Variants in CHD2 observed in about 807,000 individuals in gnomAD.
CHD2 encodes the protein ATP-dependent chromatin remodeler CHD2.
A neutral mutation model predicts 243.9 loss-of-function variants in CHD2; 28 were observed. That is an observed-to-expected ratio of 0.11 (90% CI 0.09 to 0.16). The LOEUF (loss-of-function observed/expected upper bound fraction) is 0.16. CHD2 is among the 10% of genes least tolerant of loss of function. The pLI, the probability that CHD2 is intolerant of heterozygous loss-of-function variation, is 1.00. For synonymous variants in CHD2, 775 were observed against 779.0 expected, an observed-to-expected ratio of 0.99 and a Z score of 0.09; for missense variants, 1,386 against 2,209.8, an observed-to-expected ratio of 0.63 and a Z score of 7.47.
chr15:92,900,523 C>G lies in CHD2; in HGVS notation c.-373C>G, dbSNP rs2052514481. 1 of 398,558 alleles carries G rather than the reference C, an allele frequency of 2.5e-6. No individual in the cohort carries two copies. The highest frequency in any genetic ancestry group is 2.1e-5 in the African/African-American group (1 of 48,570). The allele number at this position is 398,558 out of a possible 1,614,324, so 24.7% of individuals were successfully genotyped here. On this transcript the variant is annotated 5_prime_UTR_variant, in exon 1 of 39. Coordinates refer to ENST00000394196, the MANE Select transcript of CHD2 (RefSeq NM_001271.4). ...GAGAAAAGCAGCTTTTAGGAGCTTT[C>G]TTTTCGTGCCTTGTTGGAAAGAAGC...
At position 93,018,594 on chromosome 15, in the gene CHD2, A is replaced by G. The variant is rs117894918; in HGVS notation, c.4907-1418A>G. Among the ~76,000 whole-genome samples the G allele has an allele frequency of 2.9e-4, 44 of 152,204 alleles. No individual in the cohort carries two copies. In the East Asian group the frequency reaches 7.7e-3, roughly 27 times the overall value. ...AGGTGGCTTCAAACATCAAACATTT[A>G]TTTTCTCACATTTCTGGAGACCAGG... On this transcript the variant is annotated intron_variant, in intron 37 of 38. Transcript: ENST00000394196.
intron 17 of CHD2, among the ~76,000 whole-genome samples, chr15:92,968,684 T>C (rs1469706782): frequency 6.6e-6 from 1 of 152,252 alleles, no homozygotes. Context: ...AATAAGATTC[T>C]TTTTTACTTT....
intron 13 of CHD2, among the ~76,000 whole-genome samples, chr15:92,949,546 T>G (rs1478644139): frequency 1.3e-5 from 2 of 152,202 alleles, no homozygotes; most frequent in Non-Finnish European, 2.9e-5. Flanking sequence ...CTATATAGTC[T>G]GTAGGATTAT....
At chr15:92,977,052 C>T (rs1423225334) in intron 20 of CHD2, among the ~76,000 whole-genome samples, 1 of 151,752 alleles carries the variant, frequency 6.6e-6, no homozygotes, top group Non-Finnish European at 1.5e-5. Flanking sequence ...TATTATAATC[C>T]ACGTTATCCT....
intron 26 of CHD2, among the ~76,000 whole-genome samples, chr15:92,989,314 G>A (rs939230782): frequency 1.3e-5 from 2 of 152,126 alleles, no homozygotes; most frequent in African/African-American, 2.4e-5. Context: ...TTACAGGCGT[G>A]AGCCACCATG....
chr15:92,987,762 CTA>C (rs2054063084), intron 26 of CHD2, among the ~76,000 whole-genome samples: 1 of 150,662 alleles, frequency 6.6e-6, no homozygotes, highest in African/African-American at 2.4e-5. Flanking sequence ...TATTTGTCTT[CTA>C]TATGTCATGT....
intron 5 of CHD2, among the ~76,000 whole-genome samples, chr15:92,936,568 T>C (rs8035739): frequency 0.48 from 72,358 of 152,042 alleles, 18,200 homozygotes; most frequent in East Asian, 0.85. Flanking sequence ...CTTCTAAGAA[T>C]TCAAGGAGCA....
chr15:92,927,699 TAAAC>T (rs2053089026), intron 4 of CHD2, among the ~76,000 whole-genome samples: 1 of 152,216 alleles, frequency 6.6e-6, no homozygotes, highest in Non-Finnish European at 1.5e-5. Flanking sequence ...ACTTGTTTGG[TAAAC>T]AAACAGAGCA....
At position 92,939,634 on chromosome 15, in the gene CHD2, A is replaced by C; in HGVS notation, c.608A>C (p.Lys203Thr). ...KQPKTQRGKR[K>T]KQDSSDEDDD... ...CCGAAGACTCAGCGTGGAAAGAGAA[A>C]AAAGCAAGATTCTTCTGATGAGGAT... The change falls in exon 7 of 39, where the codon AAA becomes ACA. Residue 203 changes from lysine (K) to threonine (T), a missense_variant. Transcript: ENST00000394196. The C allele has an allele frequency of 6.2e-7, 1 of 1,614,182 alleles. No individual in the cohort carries two copies. Among genetic ancestry groups the C allele is most frequent in the South Asian group, 1.1e-5 (1 of 91,086 alleles).
At chr15:92,904,438 G>T in intron 2 of CHD2, 1 of 988,268 alleles carries the variant, frequency 1.0e-6, no homozygotes, top group Non-Finnish European at 1.2e-6. Context: ...GTCTGGCCGC[G>T]TGCGCATGTC....
chr15:92,919,637 C>T (rs2052915890), intron 2 of CHD2, among the ~76,000 whole-genome samples: 1 of 152,142 alleles, frequency 6.6e-6, no homozygotes, highest in Non-Finnish European at 1.5e-5. Flanking sequence ...ATGATCTTCC[C>T]ATCTCAGCCT....
intron 21 of CHD2, 63 bp from the exon 22 acceptor site, chr15:92,979,072 C>G: frequency 1.3e-6 from 2 of 1,578,174 alleles, no homozygotes; most frequent in Non-Finnish European, 1.7e-6. Flanking sequence ...TAATCCTTCT[C>G]TCTTTTTTTG....
At chr15:92,975,280 TCTGTA>T (rs1163276573) in intron 20 of CHD2, among the ~76,000 whole-genome samples, 1 of 152,194 alleles carries the variant, frequency 6.6e-6, no homozygotes, top group East Asian at 1.9e-4. Flanking sequence ...GGTTCTGATC[TCTGTA>T]CTCTTTTGGT....
chr15:92,991,428 AAAGT>A, intron 26 of CHD2, 44 bp from the exon 27 acceptor site: 2 of 1,405,282 alleles, frequency 1.4e-6, no homozygotes, highest in South Asian at 1.2e-5. Flanking sequence ...CAACATAACT[AAAGT>A]AAGTCTCTGT....
chr15:92,960,676 T>C (rs2053673252), intron 16 of CHD2, among the ~76,000 whole-genome samples: 1 of 151,658 alleles, frequency 6.6e-6, no homozygotes, highest in Non-Finnish European at 1.5e-5. Context: ...TGGCTAATAT[T>C]TTGTTAAAGA....
intron 14 of CHD2, 182 bp downstream of exon 14, chr15:92,953,755 T>C (rs1357839028): frequency 8.3e-6 from 5 of 602,716 alleles, no homozygotes; most frequent in Admixed American, 3.0e-5. Context: ...TTAACAAATA[T>C]GCTTACTAGT....
At chr15:93,007,439 A>G (rs1458986609) in intron 34 of CHD2, among the ~76,000 whole-genome samples, 7 of 152,110 alleles carry the variant, frequency 4.6e-5, no homozygotes, top group African/African-American at 1.7e-4. Context: ...TTTTATAGTC[A>G]TTACAGGTGT....
At chr15:92,974,061 A>G (rs2053877024) in intron 19 of CHD2, 1 of 152,230 alleles carries the variant, frequency 6.6e-6, no homozygotes, top group Non-Finnish European at 1.5e-5. Context: ...GCCTTCTGTA[A>G]AATGAAGTAT....
chr15:92,919,518 G>A (rs998865473), intron 2 of CHD2, among the ~76,000 whole-genome samples: 2 of 151,732 alleles, frequency 1.3e-5, no homozygotes, highest in East Asian at 3.9e-4. Flanking sequence ...TCAGCCTCCC[G>A]AGTAGCTGGG....
Sources: allele counts gnomAD v4.1 joint callset (sites outside exome capture counted in the v4.1 genomes callset), GRCh38; gene constraint gnomAD v4.1.1; transcripts MANE v1.5; gene names NCBI Gene and HGNC (gene_info 2026-07-23, HGNC 2026-07-21).